The following ARHGAP26 variants were observed in gnomAD, a reference collection of about 807,000 sequenced individuals.
ARHGAP26 encodes rho GTPase-activating protein 26.
ARHGAP26 carries 38 observed loss-of-function variants against 104.8 expected under a neutral mutation model. That is an observed-to-expected ratio of 0.36 (90% CI 0.28 to 0.48). ARHGAP26 has a LOEUF of 0.48. ARHGAP26 is among the 20% of genes least tolerant of loss of function. ARHGAP26 has a pLI of 0.99. For missense variants in ARHGAP26, 704 were observed against 947.9 expected (o/e 0.74, Z 3.38); for synonymous variants, 341 against 340.0 (o/e 1.00, Z -0.03).
rs567374873 is a variant in ARHGAP26, at chr5:142,774,581, A to G, written c.154+3666A>G. ...TAGTTGATGAACCAATATCAATATA[A>G]CATTATTAACTAAAGTCCATAATTT... On this transcript the variant is annotated intron_variant, in intron 1 of 22. Transcript: ENST00000645722. Among the ~76,000 whole-genome samples, 8 of 152,318 alleles carry G rather than the reference A, an allele frequency of 5.3e-5. No individual in the cohort carries two copies. In the East Asian group the frequency reaches 9.6e-4, roughly 18 times the overall value.
At chr5:143,023,720 A>G (rs1780650542) in intron 12 of ARHGAP26, among the ~76,000 whole-genome samples, 1 of 152,170 alleles carries the variant, frequency 6.6e-6, no homozygotes, top group African/African-American at 2.4e-5. Context: ...GGAAGGCATT[A>G]ATGGGCACAG....
At chr5:143,187,787 C>T (rs1386979855) in intron 20 of ARHGAP26, among the ~76,000 whole-genome samples, 1 of 152,178 alleles carries the variant, frequency 6.6e-6, no homozygotes, top group Non-Finnish European at 1.5e-5. Flanking sequence ...GAGTGTCCAG[C>T]CCTACCTGGC....
intron 5 of ARHGAP26, among the ~76,000 whole-genome samples, chr5:142,892,848 T>C (rs1758854090): frequency 6.6e-6 from 1 of 152,166 alleles, no homozygotes. Context: ...CTAGATATTA[T>C]GAAATATACA....
chr5:143,022,205 G>A (rs560191813), intron 12 of ARHGAP26, among the ~76,000 whole-genome samples: 1 of 152,080 alleles, frequency 6.6e-6, no homozygotes, highest in Non-Finnish European at 1.5e-5. Context: ...CCTAGTAGCT[G>A]GGATTACAGG....
At chr5:142,867,622 A>T (rs991558476) in intron 1 of ARHGAP26, among the ~76,000 whole-genome samples, 1 of 152,100 alleles carries the variant, frequency 6.6e-6, no homozygotes, top group Non-Finnish European at 1.5e-5. Context: ...AAGAGAGGAC[A>T]GTTGGTTGTG....
chr5:143,054,305 T>C, intron 14 of ARHGAP26, 134 bp from the exon 15 acceptor site: 1 of 570,552 alleles, frequency 1.8e-6, no homozygotes, highest in South Asian at 3.1e-5. Context: ...ATTTAATAGG[T>C]AAAAAAAATA....
chr5:142,923,379 T>C (rs555192843), intron 10 of ARHGAP26, among the ~76,000 whole-genome samples: 3 of 152,310 alleles, frequency 2.0e-5, no homozygotes, highest in South Asian at 2.1e-4. Context: ...ATTCCACTTA[T>C]GTACATTTCT....
Position 142,790,589 on chromosome 5 carries a change from T to C in ARHGAP26, c.154+19674T>C, listed in dbSNP as rs150017314. 5.1e-3 allele frequency among the ~76,000 whole-genome samples: 776 copies of C among 152,300 alleles called. 14 individuals carry two copies. Among genetic ancestry groups the C allele is most frequent in the African/African-American group, 0.017 (722 of 41,556 alleles). ...CATTCGTCATACAGTTCGGACACCT[T>C]ACCATGGTTCATGCGGCCTTGTATG... On this transcript the variant is annotated intron_variant, in intron 1 of 22. Transcript: ENST00000645722.
chr5:143,049,801 G>A lies in ARHGAP26; in HGVS notation c.1286-4638G>A, dbSNP rs147587546. ...TATAAGCCTGCATTGATTTTTCCTG[G>A]TTTTGGTATTTGGTCATGGTCCTGG... On this transcript the variant is annotated intron_variant, in intron 14 of 22. Coordinates refer to ENST00000645722, the MANE Select transcript of ARHGAP26 (RefSeq NM_001135608.3). 3.9e-3 allele frequency among the ~76,000 whole-genome samples: 597 copies of A among 152,178 alleles called. 6 individuals are homozygous for A. Among genetic ancestry groups the A allele is most frequent in the South Asian group, 0.028 (133 of 4,826 alleles).
chr5:142,970,587 G>T lies in ARHGAP26; in HGVS notation c.1107+38462G>T, dbSNP rs529771856. Reference sequence around the variant, plus strand: ...TAGAAGTCTTGGAGTTGGGTCACATGCCCATTCCTAAGCCAATCATTGGGG... The same window carrying T: ...TAGAAGTCTTGGAGTTGGGTCACATTCCCATTCCTAAGCCAATCATTGGGG... On this transcript the variant is annotated intron_variant, in intron 11 of 22. Coordinates refer to ENST00000645722, the MANE Select transcript of ARHGAP26 (RefSeq NM_001135608.3). Among the ~76,000 whole-genome samples the T allele has an allele frequency of 8.5e-5, 13 of 152,290 alleles. No homozygotes were observed. The East Asian group carries it at 2.5e-3, about 29-fold the overall frequency.
intron 1 of ARHGAP26, among the ~76,000 whole-genome samples, chr5:142,858,094 T>TGTGTGTGAGA (rs1424264346): frequency 2.5e-4 from 32 of 127,248 alleles, no homozygotes; most frequent in East Asian, 2.3e-3. Context: ...TGTGTGTGTG[T>TGTGTGTGAGA]GAGAGAGAGA....
intron 11 of ARHGAP26, among the ~76,000 whole-genome samples, chr5:142,997,420 G>A (rs186420509): frequency 1.3e-5 from 2 of 152,014 alleles, no homozygotes; most frequent in Admixed American, 1.3e-4. Flanking sequence ...TTCTTGAGGG[G>A]TTGGTGGGGA....
intron 4 of ARHGAP26, among the ~76,000 whole-genome samples, chr5:142,882,393 A>G (rs1013945720): frequency 6.6e-6 from 1 of 152,204 alleles, no homozygotes; most frequent in Non-Finnish European, 1.5e-5. Context: ...ATTATATTAG[A>G]TACACACAGT....
chr5:143,184,436 G>C (rs1804842152), intron 20 of ARHGAP26, among the ~76,000 whole-genome samples: 1 of 152,194 alleles, frequency 6.6e-6, no homozygotes, highest in Non-Finnish European at 1.5e-5. Context: ...CAGCATCACA[G>C]CTGGAGGTGC....
intron 1 of ARHGAP26, among the ~76,000 whole-genome samples, chr5:142,773,682 CG>C (rs1284323544): frequency 1.3e-5 from 2 of 152,202 alleles, no homozygotes; most frequent in African/African-American, 4.8e-5. Flanking sequence ...TTCTCCATCA[CG>C]GGCTTTGAAG....
At chr5:142,792,329 A>AT (rs1760023765) in intron 1 of ARHGAP26, among the ~76,000 whole-genome samples, 1 of 152,184 alleles carries the variant, frequency 6.6e-6, no homozygotes, top group Non-Finnish European at 1.5e-5. Context: ...ACACCTTCTT[A>AT]TTTTTTAGGC....
intron 18 of ARHGAP26, among the ~76,000 whole-genome samples, chr5:143,122,881 G>A (rs902692936): frequency 4.6e-5 from 7 of 152,148 alleles, no homozygotes; most frequent in Non-Finnish European, 8.8e-5. Context: ...CCTAGGGCAG[G>A]AGCTCAGTCC....
chr5:142,988,924 T>C (rs1775183214), intron 11 of ARHGAP26, among the ~76,000 whole-genome samples: 1 of 152,218 alleles, frequency 6.6e-6, no homozygotes, highest in South Asian at 2.1e-4. Context: ...TGTGGTTAAT[T>C]TTGGAATAAG....
intron 4 of ARHGAP26, among the ~76,000 whole-genome samples, chr5:142,879,909 G>A (rs1756702784): frequency 6.6e-6 from 1 of 152,178 alleles, no homozygotes; most frequent in African/African-American, 2.4e-5. Flanking sequence ...TGGTACTTAG[G>A]TTTAGCTGAT....
Sources: gnomAD v4.1 joint callset for allele counts (sites outside exome capture counted in the v4.1 genomes callset) on GRCh38, gnomAD v4.1.1 for gene constraint, MANE v1.5 for transcripts, NCBI Gene and HGNC (gene_info 2026-07-23, HGNC 2026-07-21) for gene names.